PTPRD: variants seen among roughly 807,000 people sequenced by gnomAD.
PTPRD encodes the protein protein tyrosine phosphatase receptor type D.
A neutral mutation model predicts 214.5 loss-of-function variants in PTPRD; 34 were observed. The ratio of observed to expected loss-of-function variants is 0.16; its 90% CI spans 0.12 to 0.21. The LOEUF (loss-of-function observed/expected upper bound fraction) is 0.21. PTPRD is among the 10% of genes least tolerant of loss of function. The pLI is 1.00. For synonymous variants in PTPRD, 1,128 were observed against 845.7 expected, an observed-to-expected ratio of 1.33 and a Z score of -5.79; for missense variants, 2,545 against 2,398.7, an observed-to-expected ratio of 1.06 and a Z score of -1.27.
At chr9:9,836,717 T>A (rs1261216573) in intron 5 of PTPRD, among the ~76,000 whole-genome samples, 1 of 152,126 alleles carries the variant, frequency 6.6e-6, no homozygotes, top group Non-Finnish European at 1.5e-5. Context: ...ACTTACTACC[T>A]GTGTGAATTT....
chr9:10,230,670 A>G, intron 3 of PTPRD, among the ~76,000 whole-genome samples: 1 of 151,976 alleles, frequency 6.6e-6, no homozygotes, highest in East Asian at 1.9e-4. Context: ...GGTTGTTCTT[A>G]AAGTTTCATC....
intron 5 of PTPRD, among the ~76,000 whole-genome samples, chr9:9,881,908 T>A (rs192369095): frequency 9.5e-4 from 144 of 152,182 alleles, no homozygotes; most frequent in Non-Finnish European, 1.8e-3. Context: ...TGGAGAAATG[T>A]GAAAGACCAT....
intron 27 of PTPRD, among the ~76,000 whole-genome samples, chr9:8,490,333 G>C (rs1036889459): frequency 6.6e-6 from 1 of 152,134 alleles, no homozygotes; most frequent in African/African-American, 2.4e-5. Context: ...TGGTACGTAT[G>C]TGTGGTTGCC....
At chr9:9,688,183 G>C (rs141064339) in intron 7 of PTPRD, among the ~76,000 whole-genome samples, 14 of 151,652 alleles carry the variant, frequency 9.2e-5, no homozygotes, top group Non-Finnish European at 1.6e-4. Context: ...TCCACTCTTG[G>C]GCAGTATCTT....
At chr9:9,955,314 A>T (rs1310228351) in intron 4 of PTPRD, among the ~76,000 whole-genome samples, 9 of 152,192 alleles carry the variant, frequency 5.9e-5, no homozygotes, top group Non-Finnish European at 1.0e-4. Flanking sequence ...CCACAAGAAC[A>T]TAAAGCAGTA....
At chr9:9,718,540 C>T (rs147291982) in intron 7 of PTPRD, among the ~76,000 whole-genome samples, 161 of 152,312 alleles carry the variant, frequency 1.1e-3, no homozygotes, top group African/African-American at 3.8e-3. Context: ...GGCTCCAGAC[C>T]CAGGCATCCC....
chr9:9,710,566 A>T (rs1055076059), intron 7 of PTPRD, among the ~76,000 whole-genome samples: 1 of 152,014 alleles, frequency 6.6e-6, no homozygotes, highest in African/African-American at 2.4e-5. Flanking sequence ...AATTCAGGTC[A>T]TTCTGACTCC....
Position 9,438,601 on chromosome 9 carries a change from T to C in PTPRD, c.-236-41119A>G, listed in dbSNP as rs2086247289. Among the ~76,000 whole-genome samples, 4 of 152,180 alleles carry C rather than the reference T, an allele frequency of 2.6e-5. No individual in the cohort carries two copies. In the South Asian group the frequency reaches 6.2e-4, roughly 24 times the overall value. On this transcript the variant is annotated intron_variant, in intron 8 of 45. Coordinates refer to ENST00000381196, the MANE Select transcript of PTPRD (RefSeq NM_002839.4). The stretch of plus-strand genomic sequence containing the variant: ...GGGCCAACCAAAGCATCTATCCCTC[T>C]AAGTCTCTGGACTATGATGCCGAGC...
chr9:8,894,853 C>T (rs1566880267), intron 11 of PTPRD, among the ~76,000 whole-genome samples: 2 of 152,042 alleles, frequency 1.3e-5, no homozygotes. Flanking sequence ...CAGGAACCAA[C>T]TTAAATTAAG....
At chr9:9,952,416 T>C (rs2093538819) in intron 4 of PTPRD, among the ~76,000 whole-genome samples, 1 of 152,168 alleles carries the variant, frequency 6.6e-6, no homozygotes, top group South Asian at 2.1e-4. Flanking sequence ...ATGGTGTTCC[T>C]GGGGCAAGAT....
At chr9:8,927,036 AC>A (rs1482201031) in intron 11 of PTPRD, among the ~76,000 whole-genome samples, 26 of 152,130 alleles carry the variant, frequency 1.7e-4, no homozygotes, top group Admixed American at 2.0e-4. Flanking sequence ...AGAGGAGGAA[AC>A]TGAGGTCCAG....
At chr9:8,809,871 G>C (rs974248917) in intron 11 of PTPRD, among the ~76,000 whole-genome samples, 1 of 152,176 alleles carries the variant, frequency 6.6e-6, no homozygotes, top group East Asian at 1.9e-4. Flanking sequence ...GGAATATCAA[G>C]GTCATTGTCT....
chr9:9,639,796 A>C (rs539235255), intron 7 of PTPRD, among the ~76,000 whole-genome samples: 3 of 152,288 alleles, frequency 2.0e-5, no homozygotes, highest in African/African-American at 7.2e-5. Context: ...CCATATACTA[A>C]ATCTCTGTTG....
At chr9:10,208,370 C>A (rs997811656) in intron 3 of PTPRD, among the ~76,000 whole-genome samples, 1 of 152,062 alleles carries the variant, frequency 6.6e-6, no homozygotes, top group Non-Finnish European at 1.5e-5. Context: ...AAAAATTAGC[C>A]GGGCGTGGTG....
chr9:10,538,590 AATTAT>A (rs1417510407), intron 2 of PTPRD, among the ~76,000 whole-genome samples: 3 of 152,106 alleles, frequency 2.0e-5, no homozygotes, highest in Non-Finnish European at 4.4e-5. Context: ...CTGTGCTATA[AATTAT>A]ATAAGACAGG....
intron 12 of PTPRD, chr9:8,701,612 G>C (rs1597383705): frequency 6.6e-6 from 1 of 152,424 alleles, no homozygotes; most frequent in African/African-American, 2.4e-5. Flanking sequence ...ACTCCAGCCT[G>C]GGCAACAAGC....
At chr9:9,951,990 C>A (rs1226786974) in intron 4 of PTPRD, among the ~76,000 whole-genome samples, 2 of 152,148 alleles carry the variant, frequency 1.3e-5, no homozygotes, top group Non-Finnish European at 1.5e-5. Flanking sequence ...TTGAAGTCTG[C>A]ACACAATTAT....
intron 9 of PTPRD, among the ~76,000 whole-genome samples, chr9:9,269,333 C>T (rs953002067): frequency 6.6e-6 from 1 of 151,024 alleles, no homozygotes; most frequent in Non-Finnish European, 1.5e-5. Flanking sequence ...TTAGGATGGC[C>T]ATTAGCAAAA....
At chr9:9,502,430 G>A (rs1028313599) in intron 8 of PTPRD, among the ~76,000 whole-genome samples, 4 of 151,838 alleles carry the variant, frequency 2.6e-5, no homozygotes, top group Non-Finnish European at 4.4e-5. Context: ...CATGTTGCAA[G>A]TGGCAGGATT....
Sources: gnomAD v4.1 joint callset for allele counts (sites outside exome capture counted in the v4.1 genomes callset) on GRCh38, gnomAD v4.1.1 for gene constraint, MANE v1.5 for transcripts, NCBI Gene and HGNC (gene_info 2026-07-23, HGNC 2026-07-21) for gene names.